The following PHF14 variants were observed in gnomAD, a reference collection of about 807,000 sequenced individuals.
PHF14 encodes the protein PHD finger protein 14.
Under a neutral mutation model 117.9 loss-of-function variants are expected in PHF14, and 55 were observed. That is an observed-to-expected ratio of 0.47 (90% CI 0.38 to 0.58). The LOEUF (loss-of-function observed/expected upper bound fraction) is 0.58, where lower values mean the gene tolerates loss of function less well. Among genes scored for constraint, PHF14 ranks in the 20% least tolerant of loss-of-function variants. The pLI is 0.00. For missense variants in PHF14, 978 were observed against 1,122.2 expected, an observed-to-expected ratio of 0.87 and a Z score of 1.84; for synonymous variants, 409 against 368.6, an observed-to-expected ratio of 1.11 and a Z score of -1.26.
intron 16 of PHF14, among the ~76,000 whole-genome samples, chr7:11,084,790 T>C (rs1488817444): frequency 6.6e-6 from 1 of 152,142 alleles, no homozygotes; most frequent in East Asian, 1.9e-4. Flanking sequence ...TGGATGAAAA[T>C]TGGCATTTTG....
Position 10,996,003 on chromosome 7 carries a change from A to C in PHF14, c.1045+5156A>C, listed in dbSNP as rs528936843. On this transcript the variant is annotated intron_variant, in intron 4 of 17. Transcript: ENST00000634607. The stretch of plus-strand genomic sequence containing the variant: ...TGCAGCTGCAGGCTGAAGGCTCCTC[A>C]AGTGCGGCCAGAGTGGGCGCCAAGG... Among the ~76,000 whole-genome samples, 8 of 152,352 alleles carry C rather than the reference A, an allele frequency of 5.3e-5. 1 individual carries two copies. The highest frequency in any genetic ancestry group is 1.7e-4 in the African/African-American group (7 of 41,596).
At chr7:11,114,745 A>C (rs1412599142) in intron 17 of PHF14, among the ~76,000 whole-genome samples, 2 of 152,096 alleles carry the variant, frequency 1.3e-5, no homozygotes, top group Non-Finnish European at 2.9e-5. Context: ...ACATGGAGGC[A>C]CAAATATACA....
chr7:11,011,953 T>G (rs937827041), intron 4 of PHF14, among the ~76,000 whole-genome samples: 8 of 152,202 alleles, frequency 5.3e-5, no homozygotes, highest in African/African-American at 1.9e-4. Context: ...ATTTATCAGA[T>G]TCCATGTTTA....
intron 4 of PHF14, among the ~76,000 whole-genome samples, chr7:10,991,552 C>T (rs1162935875): frequency 2.0e-5 from 3 of 151,562 alleles, no homozygotes; most frequent in Non-Finnish European, 2.9e-5. Context: ...TTAAGTGATC[C>T]GCCTGCCTCA....
At position 10,974,141 on chromosome 7, in the gene PHF14, G is replaced by C. The variant is rs926417683; in HGVS notation, c.-183G>C. 1.5e-5 allele frequency: 9 copies of C among 603,270 alleles called. No homozygotes were observed. Among genetic ancestry groups the C allele is most frequent in the East Asian group, 5.7e-5 (2 of 35,040 alleles). 37.4% of individuals were successfully genotyped at this position (603,270 alleles called of 1,614,324 possible). ...GGCCAGGGCCAGGCGAGGCCGGGGG[G>C]GCGGGGGGTTAGGGGACCGCGGGGC... On this transcript the variant is annotated 5_prime_UTR_variant, in exon 1 of 18. Coordinates refer to ENST00000634607, the MANE Select transcript of PHF14 (RefSeq NM_001007157.2).
At chr7:11,096,242 AAAG>A (rs1240363086) in intron 16 of PHF14, among the ~76,000 whole-genome samples, 6 of 152,278 alleles carry the variant, frequency 3.9e-5, no homozygotes, top group African/African-American at 7.2e-5. Flanking sequence ...TGTATTTTGT[AAAG>A]AAGATCATCC....
rs1003356120 is a variant in PHF14, at chr7:11,104,848, C to G, written c.2655-6502C>G. On this transcript the variant is annotated intron_variant, in intron 16 of 17. Coordinates refer to ENST00000634607, the MANE Select transcript of PHF14 (RefSeq NM_001007157.2). The stretch of plus-strand genomic sequence containing the variant: ...TGCTGATGCTACTGGCCTGGAACAC[C>G]ACATTAAGAACCATTCATAGGTAGT... 16 of 905,834 alleles carry G rather than the reference C, an allele frequency of 1.8e-5. No homozygotes were observed. The African/African-American group carries it at 2.7e-4, about 15-fold the overall frequency. The allele number at this position is 905,834 out of a possible 1,614,324, so 56.1% of individuals were successfully genotyped here.
chr7:11,017,070 A>C (rs1562421865), intron 5 of PHF14, among the ~76,000 whole-genome samples: 1 of 152,148 alleles, frequency 6.6e-6, no homozygotes, highest in Admixed American at 6.5e-5. Context: ...GTTGTTGCAA[A>C]TGACTGGCTC....
chr7:11,129,548 C>CTTTTTTTTTTTTTTTTTT (rs71023891), intron 17 of PHF14, among the ~76,000 whole-genome samples: 1 of 133,460 alleles, frequency 7.5e-6, no homozygotes, highest in Non-Finnish European at 1.7e-5. Context: ...GTGTATGTTT[C>CTTTTTTTTTTTTTTTTTT]TTTTTTTTTT....
At chr7:11,047,496 T>C (rs966370230) in intron 13 of PHF14, among the ~76,000 whole-genome samples, 1 of 151,692 alleles carries the variant, frequency 6.6e-6, no homozygotes, top group African/African-American at 2.4e-5. Context: ...ATATAGAAGG[T>C]ATAGAAAATT....
At chr7:10,988,101 G>C (rs1442636551) in intron 3 of PHF14, among the ~76,000 whole-genome samples, 1 of 151,414 alleles carries the variant, frequency 6.6e-6, no homozygotes, top group Non-Finnish European at 1.5e-5. Flanking sequence ...AGATTTTCCA[G>C]TTGAAACATT....
intron 17 of PHF14, among the ~76,000 whole-genome samples, chr7:11,114,032 A>G (rs1005575182): frequency 2.1e-4 from 32 of 152,240 alleles, no homozygotes; most frequent in African/African-American, 7.5e-4. Context: ...TATATTTGCC[A>G]TGTTCATATA....
At chr7:11,109,573 T>C (rs1787375368) in intron 16 of PHF14, 1 of 151,900 alleles carries the variant, frequency 6.6e-6, no homozygotes, top group Non-Finnish European at 1.5e-5. Flanking sequence ...TTTGAAGGTT[T>C]CTATATCCAT....
chr7:11,056,399 A>G (rs1785020724), intron 14 of PHF14, among the ~76,000 whole-genome samples: 2 of 129,080 alleles, frequency 1.5e-5, no homozygotes, highest in South Asian at 5.3e-4. Context: ...TTAGACCCAT[A>G]GTTATTTCAG....
chr7:10,980,515 T>G (rs1323331400), intron 2 of PHF14, among the ~76,000 whole-genome samples: 2 of 152,170 alleles, frequency 1.3e-5, no homozygotes, highest in African/African-American at 4.8e-5. Flanking sequence ...TGTGAGTGGT[T>G]TACAAAATCA....
chr7:11,136,209 G>A (rs1319931216), intron 17 of PHF14, among the ~76,000 whole-genome samples: 1 of 152,098 alleles, frequency 6.6e-6, no homozygotes, highest in Non-Finnish European at 1.5e-5. Flanking sequence ...TGTGACTTCC[G>A]CAGTGCCAAA....
At position 11,169,550 on chromosome 7, in the gene PHF14, T is replaced by TAATTGTAAAATGTTA; in HGVS notation, c.*72_*86dup. The TAATTGTAAAATGTTA allele has an allele frequency of 1.5e-6, 1 of 688,256 alleles. No homozygotes were observed. The highest frequency in any genetic ancestry group is 2.3e-6 in the Non-Finnish European group (1 of 428,468). The allele number at this position is 688,256 out of a possible 1,614,324, so 42.6% of individuals were successfully genotyped here. On this transcript the variant is annotated 3_prime_UTR_variant, in exon 18 of 18. Transcript: ENST00000634607. ...CTTATGTAATAGCAGATAAAATTTC[T>TAATTGTAAAATGTTA]AATTGTAAAATGTTAAATTGTAAAA...
chr7:11,030,186 G>A (rs1363621862), intron 7 of PHF14, among the ~76,000 whole-genome samples: 1 of 151,038 alleles, frequency 6.6e-6, no homozygotes, highest in Non-Finnish European at 1.5e-5. Context: ...ATAATTATAC[G>A]GTAAAGGTAG....
intron 4 of PHF14, among the ~76,000 whole-genome samples, chr7:11,006,014 G>A (rs980671823): frequency 2.6e-5 from 4 of 151,876 alleles, no homozygotes; most frequent in East Asian, 1.9e-4. Flanking sequence ...GGTTGGTCTC[G>A]ATCTCCAGAC....
Sources: gnomAD v4.1 joint callset for allele counts (sites outside exome capture counted in the v4.1 genomes callset) on GRCh38, gnomAD v4.1.1 for gene constraint, MANE v1.5 for transcripts, NCBI Gene and HGNC (gene_info 2026-07-23, HGNC 2026-07-21) for gene names.